Variants in GNA14 observed in about 807,000 individuals in gnomAD.
GNA14 encodes guanine nucleotide-binding protein subunit alpha-14.
Under a neutral mutation model 42.0 loss-of-function variants are expected in GNA14, and 50 were observed. The ratio of observed to expected loss-of-function variants is 1.19; its 90% CI spans 0.95 to 1.51. The LOEUF (loss-of-function observed/expected upper bound fraction) is 1.51. Ranked by LOEUF, GNA14 falls within the 40% of genes most tolerant of loss-of-function variation. The pLI is 0.00. For missense variants in GNA14, 473 were observed against 446.2 expected, an observed-to-expected ratio of 1.06 and a Z score of -0.54; for synonymous variants, 173 against 163.1, an observed-to-expected ratio of 1.06 and a Z score of -0.46.
intron 2 of GNA14, chr9:77,518,084 T>C (rs946593257): frequency 6.6e-6 from 1 of 152,166 alleles, no homozygotes; most frequent in Non-Finnish European, 1.5e-5. Flanking sequence ...CAGAATGTGA[T>C]TTTTCACTTC....
intron 1 of GNA14, among the ~76,000 whole-genome samples, chr9:77,575,764 A>G (rs1290191174): frequency 6.6e-6 from 1 of 152,238 alleles, no homozygotes; most frequent in Non-Finnish European, 1.5e-5. Flanking sequence ...TTTAAAAAGT[A>G]TTAGTGCCTA....
chr9:77,443,026 G>A (rs956438650), intron 2 of GNA14, among the ~76,000 whole-genome samples: 1 of 152,164 alleles, frequency 6.6e-6, no homozygotes, highest in Non-Finnish European at 1.5e-5. Flanking sequence ...GTTTTATGTA[G>A]CTATTAACAT....
chr9:77,603,776 T>A (rs1006127896), intron 1 of GNA14, among the ~76,000 whole-genome samples: 1 of 151,556 alleles, frequency 6.6e-6, no homozygotes, highest in Non-Finnish European at 1.5e-5. Flanking sequence ...CTATCCTGGC[T>A]AACATGGTGA....
At chr9:77,630,539 G>A (rs184281673) in intron 1 of GNA14, among the ~76,000 whole-genome samples, 61 of 152,074 alleles carry the variant, frequency 4.0e-4, no homozygotes, top group Non-Finnish European at 5.9e-4. Flanking sequence ...TGTGTAAATA[G>A]GTTTAAAAAT....
chr9:77,643,341 G>A (rs1824299533), intron 1 of GNA14, among the ~76,000 whole-genome samples: 1 of 151,354 alleles, frequency 6.6e-6, no homozygotes, highest in African/African-American at 2.4e-5. Context: ...CCAGGTTCAA[G>A]CGATTATCTT....
At chr9:77,535,405 G>A (rs1213645491) in intron 1 of GNA14, among the ~76,000 whole-genome samples, 6 of 152,148 alleles carry the variant, frequency 3.9e-5, no homozygotes, top group African/African-American at 1.4e-4. Context: ...TTAGCCGGGT[G>A]TGGTGGCGGG....
intron 1 of GNA14, among the ~76,000 whole-genome samples, chr9:77,621,553 A>C (rs1263531947): frequency 6.6e-6 from 1 of 151,932 alleles, no homozygotes; most frequent in African/African-American, 2.4e-5. Flanking sequence ...ACGTAAAACA[A>C]ACCAAAACCT....
At position 77,548,713 on chromosome 9, in the gene GNA14, TC is replaced by T. The variant is rs1310368908; in HGVS notation, c.125-19461del. Among the ~76,000 whole-genome samples the T allele has an allele frequency of 4.6e-5, 7 of 152,338 alleles. No individual in the cohort carries two copies. The East Asian group carries it at 1.2e-3, about 25-fold the overall frequency. On this transcript the variant is annotated intron_variant, in intron 1 of 6. Coordinates refer to ENST00000341700, the MANE Select transcript of GNA14 (RefSeq NM_004297.4). ...TAAAGAGCTTCTTCTTTACAACTTT[TC>T]CCCTCACATTATTTTCTACATGCAG...
chr9:77,533,096 C>T (rs906817592), intron 1 of GNA14, among the ~76,000 whole-genome samples: 1 of 116,496 alleles, frequency 8.6e-6, no homozygotes, highest in Non-Finnish European at 1.8e-5. Flanking sequence ...GGGGAAACGG[C>T]TCTTCTCCAT....
intron 2 of GNA14, among the ~76,000 whole-genome samples, chr9:77,452,897 T>G (rs1445507653): frequency 6.6e-6 from 1 of 151,904 alleles, no homozygotes; most frequent in Non-Finnish European, 1.5e-5. Context: ...CACAGGAGGC[T>G]GAGGCAGGAG....
chr9:77,476,645 T>G (rs12006461), intron 2 of GNA14, among the ~76,000 whole-genome samples: 5,497 of 152,262 alleles, frequency 0.036, 305 homozygotes, highest in African/African-American at 0.12. Flanking sequence ...GATAGGATAG[T>G]AGTTTGTTTG....
chr9:77,498,393 A>AAAAAAAAG (rs1564032336), intron 2 of GNA14, among the ~76,000 whole-genome samples: 3 of 150,420 alleles, frequency 2.0e-5, no homozygotes, highest in South Asian at 2.1e-4. Context: ...AAAAAAGAAA[A>AAAAAAAAG]AAAAGAAAAA....
chr9:77,474,046 TAA>T (rs1165197846), intron 2 of GNA14, among the ~76,000 whole-genome samples: 3 of 152,116 alleles, frequency 2.0e-5, no homozygotes, highest in Non-Finnish European at 4.4e-5. Flanking sequence ...GCTAAAACTA[TAA>T]AACTCTTAGA....
At chr9:77,501,338 G>C (rs899150945) in intron 2 of GNA14, among the ~76,000 whole-genome samples, 4 of 152,182 alleles carry the variant, frequency 2.6e-5, no homozygotes, top group Admixed American at 2.0e-4. Flanking sequence ...GAATGGTTTA[G>C]TTCCTCCACA....
In GNA14 at chr9:77,470,679, T is replaced by C. The variant is rs572416888; in HGVS notation, c.310-36157A>G. Among the ~76,000 whole-genome samples the C allele has an allele frequency of 2.6e-5, 4 of 152,274 alleles. 1 individual carries two copies. The highest frequency in any genetic ancestry group is 4.1e-4 in the South Asian group (2 of 4,820). ...GAAGGTCACTGTTCTCACATAACTA[T>C]GAAGAACTACATGAGACTGGGTAAT... On this transcript the variant is annotated intron_variant, in intron 2 of 6. Coordinates refer to ENST00000341700, the MANE Select transcript of GNA14 (RefSeq NM_004297.4).
chr9:77,610,561 TATC>T (rs1267249894), intron 1 of GNA14, among the ~76,000 whole-genome samples: 1 of 152,150 alleles, frequency 6.6e-6, no homozygotes, highest in Non-Finnish European at 1.5e-5. Context: ...CACTTCCAAA[TATC>T]ATCACATTGA....
chr9:77,570,540 A>T (rs1823044080), intron 1 of GNA14, among the ~76,000 whole-genome samples: 1 of 152,114 alleles, frequency 6.6e-6, no homozygotes. Context: ...TAATTTTTTT[A>T]GGTTTATTTA....
At chr9:77,446,304 AAAC>A (rs1018309936) in intron 2 of GNA14, among the ~76,000 whole-genome samples, 2 of 152,248 alleles carry the variant, frequency 1.3e-5, no homozygotes, top group African/African-American at 4.8e-5. Context: ...TAATTCAACA[AAAC>A]ACCAGCAAGG....
At chr9:77,609,119 G>A (rs1334637632) in intron 1 of GNA14, among the ~76,000 whole-genome samples, 1 of 151,926 alleles carries the variant, frequency 6.6e-6, no homozygotes, top group Non-Finnish European at 1.5e-5. Flanking sequence ...CATTTTACTA[G>A]AAGCAGTCAG....
Sources: allele counts gnomAD v4.1 joint callset (sites outside exome capture counted in the v4.1 genomes callset), GRCh38; gene constraint gnomAD v4.1.1; transcripts MANE v1.5; gene names NCBI Gene and HGNC (gene_info 2026-07-23, HGNC 2026-07-21).